Variants in TENM3 observed in about 807,000 individuals in gnomAD.
TENM3 encodes teneurin transmembrane protein 3.
A neutral mutation model predicts 255.1 loss-of-function variants in TENM3; 63 were observed. The ratio of observed to expected loss-of-function variants is 0.25; its 90% CI spans 0.20 to 0.30. The LOEUF (loss-of-function observed/expected upper bound fraction) is 0.30, where lower values mean the gene tolerates loss of function less well. TENM3 is among the 10% of genes least tolerant of loss of function. The probability of loss-of-function intolerance (pLI) is 1.00; values close to 1 mark genes in which losing one functional copy is unlikely to be tolerated. For synonymous variants in TENM3, 1,306 were observed against 1,322.3 expected (o/e 0.99, Z 0.27); for missense variants, 2,929 against 3,461.1 (o/e 0.85, Z 3.86).
intron 5 of TENM3, among the ~76,000 whole-genome samples, chr4:182,648,686 C>A (rs1356981204): frequency 6.6e-6 from 1 of 152,180 alleles, no homozygotes; most frequent in African/African-American, 2.4e-5. Flanking sequence ...ATGTGAGCAG[C>A]ACTCCAGAAA....
the TENM3 span, among the ~76,000 whole-genome samples, chr4:181,613,293 G>A: frequency 6.6e-6 from 1 of 152,168 alleles, no homozygotes; most frequent in Non-Finnish European, 1.5e-5. Context: ...CATGTTTTCT[G>A]CCAAAGGATT....
the TENM3 span, among the ~76,000 whole-genome samples, chr4:181,871,175 A>G: frequency 5.4e-5 from 8 of 149,168 alleles, no homozygotes; most frequent in African/African-American, 1.9e-4. Context: ...ATATCAGGTG[A>G]TATAAGTCCC....
chr4:182,023,907 A>T, the TENM3 span, among the ~76,000 whole-genome samples: 15 of 152,308 alleles, frequency 9.8e-5, no homozygotes, highest in African/African-American at 2.6e-4. Flanking sequence ...TCCAGGACCC[A>T]TGGAAGTCAT....
the TENM3 span, among the ~76,000 whole-genome samples, chr4:182,006,488 T>C: frequency 1.3e-5 from 2 of 152,200 alleles, no homozygotes; most frequent in African/African-American, 2.4e-5. Context: ...TATACATTTC[T>C]TCTAGATTTT....
chr4:182,259,621 CA>C (rs1490070681), intron 1 of TENM3, among the ~76,000 whole-genome samples: 4 of 152,082 alleles, frequency 2.6e-5, no homozygotes, highest in Non-Finnish European at 1.5e-5. Flanking sequence ...TATTTTTTAA[CA>C]TTTTTTTTAT....
intron 11 of TENM3, among the ~76,000 whole-genome samples, chr4:182,686,789 GA>G (rs1308633062): frequency 1.3e-5 from 2 of 152,034 alleles, no homozygotes; most frequent in South Asian, 2.1e-4. Context: ...TCACCCTAAT[GA>G]AAAATTGATT....
intron 1 of TENM3, among the ~76,000 whole-genome samples, chr4:182,226,876 A>G (rs1301230938): frequency 6.6e-6 from 1 of 152,150 alleles, no homozygotes; most frequent in Non-Finnish European, 1.5e-5. Flanking sequence ...TGAGATATTC[A>G]CCTGACCCAT....
At chr4:181,990,696 T>C in the TENM3 span, among the ~76,000 whole-genome samples, 1 of 152,154 alleles carries the variant, frequency 6.6e-6, no homozygotes, top group African/African-American at 2.4e-5. Context: ...AATGGATGGC[T>C]GCTGCTATTA....
the TENM3 span, among the ~76,000 whole-genome samples, chr4:181,803,702 T>A: frequency 6.6e-6 from 1 of 151,808 alleles, no homozygotes; most frequent in African/African-American, 2.4e-5. Flanking sequence ...CCATGGCTCA[T>A]GCCTTTAATC....
chr4:182,459,251 G>A (rs113275016), intron 3 of TENM3, among the ~76,000 whole-genome samples: 35 of 152,072 alleles, frequency 2.3e-4, no homozygotes, highest in African/African-American at 8.4e-4. Flanking sequence ...TTTCAAAAGA[G>A]AAATTTCTCA....
the TENM3 span, among the ~76,000 whole-genome samples, chr4:181,920,891 GT>G: frequency 3.0e-3 from 458 of 152,166 alleles, 2 homozygotes; most frequent in Admixed American, 4.1e-3. Context: ...TCTTTAATCC[GT>G]CTTGAATTGA....
Position 182,159,447 on chromosome 4 carries a change from A to AGT in TENM3, c.-76+14730_-76+14731dup, listed in dbSNP as rs67981646. 5.9e-3 allele frequency among the ~76,000 whole-genome samples: 774 copies of AGT among 130,762 alleles called. 12 individuals are homozygous for AGT. Among genetic ancestry groups the AGT allele is most frequent in the African/African-American group, 0.011 (372 of 33,206 alleles). 85.8% of individuals were successfully genotyped at this position (130,762 alleles called of 152,430 possible). ...CAGTGAGCAATGGATAGTGTGTATG[A>AGT]GTGTGTGTGTGTGTGTGTGTGTGTG... On this transcript the variant is annotated intron_variant, in intron 1 of 2. Coordinates refer to the TENM3 transcript ENST00000512480.
the TENM3 span, among the ~76,000 whole-genome samples, chr4:181,834,034 T>A: frequency 6.6e-6 from 1 of 152,068 alleles, no homozygotes; most frequent in Non-Finnish European, 1.5e-5. Context: ...AAAGACCAAT[T>A]GTATTCTCCA....
chr4:182,687,268 C>T (rs2152573643), intron 11 of TENM3, among the ~76,000 whole-genome samples: 1 of 152,224 alleles, frequency 6.6e-6, no homozygotes, highest in Non-Finnish European at 1.5e-5. Flanking sequence ...CTATAGCTAA[C>T]TTTAATCTTA....
the TENM3 span, among the ~76,000 whole-genome samples, chr4:181,509,225 C>T: frequency 1.3e-5 from 2 of 151,942 alleles, no homozygotes; most frequent in Non-Finnish European, 2.9e-5. Flanking sequence ...TTACAGAGGT[C>T]AAAATTGGGC....
chr4:182,663,744 A>G (rs542236867), intron 6 of TENM3, among the ~76,000 whole-genome samples: 4 of 152,330 alleles, frequency 2.6e-5, no homozygotes, highest in South Asian at 2.1e-4. Flanking sequence ...TGTTAGTCAT[A>G]TGTCAAAAAT....
At chr4:182,048,008 G>T in the TENM3 span, among the ~76,000 whole-genome samples, 1 of 152,132 alleles carries the variant, frequency 6.6e-6, no homozygotes, top group Admixed American at 6.5e-5. Context: ...GTTTGTGGTT[G>T]CCATGCAGAT....
chr4:182,041,854 T>C, the TENM3 span, among the ~76,000 whole-genome samples: 3 of 152,216 alleles, frequency 2.0e-5, no homozygotes, highest in Non-Finnish European at 4.4e-5. Flanking sequence ...CACTTTGCAG[T>C]CCATTACTTA....
the TENM3 span, among the ~76,000 whole-genome samples, chr4:181,610,540 A>G: frequency 6.6e-6 from 1 of 152,216 alleles, no homozygotes; most frequent in South Asian, 2.1e-4. Flanking sequence ...AGCATTAAAA[A>G]GGAAGATATT....
Sources: gnomAD v4.1 joint callset for allele counts (sites outside exome capture counted in the v4.1 genomes callset) on GRCh38, gnomAD v4.1.1 for gene constraint, MANE v1.5 for transcripts, NCBI Gene and HGNC (gene_info 2026-07-23, HGNC 2026-07-21) for gene names.